TBCK: variants seen among roughly 807,000 people sequenced by gnomAD.
The protein encoded by TBCK is TBC domain-containing protein kinase-like protein.
A neutral mutation model predicts 113.4 loss-of-function variants in TBCK; 99 were observed. The ratio of observed to expected loss-of-function variants is 0.87; its 90% CI spans 0.74 to 1.03. TBCK has a LOEUF of 1.03. TBCK is among the 50% of genes least tolerant of loss of function. TBCK has a pLI of 0.00. For missense variants in TBCK, 1,045 were observed against 1,061.3 expected (o/e 0.98, Z 0.21); for synonymous variants, 369 against 370.8 (o/e 1.00, Z 0.05).
chr4:106,236,986 G>A (rs1017512689), intron 12 of TBCK, among the ~76,000 whole-genome samples, 178 bp from the exon 13 acceptor site: 1 of 151,898 alleles, frequency 6.6e-6, no homozygotes, highest in Non-Finnish European at 1.5e-5. Context: ...TGCCTCTACT[G>A]ATTACGGTTT....
chr4:106,252,052 A>C (rs767484516), intron 5 of TBCK, 45 bp from the exon 6 acceptor site: 1 of 1,484,268 alleles, frequency 6.7e-7, no homozygotes, highest in South Asian at 1.3e-5. Flanking sequence ...ACAGGGAAAG[A>C]AGCGATAGTA....
upstream of TBCK, chr4:106,316,574 A>G (rs1214239214): frequency 6.4e-7 from 1 of 1,551,476 alleles, no homozygotes; most frequent in African/African-American, 1.4e-5. Flanking sequence ...CTGTCTCGGA[A>G]CCCGTGGTCC....
intron 2 of TBCK, among the ~76,000 whole-genome samples, chr4:106,295,946 G>A (rs2125849985): frequency 6.6e-6 from 1 of 151,870 alleles, no homozygotes; most frequent in East Asian, 1.9e-4. Flanking sequence ...TAAATTCATT[G>A]GGAAAAAAAT....
intron 3 of TBCK, among the ~76,000 whole-genome samples, chr4:106,283,924 G>C (rs1348771499): frequency 6.6e-6 from 1 of 152,150 alleles, no homozygotes; most frequent in Non-Finnish European, 1.5e-5. Flanking sequence ...TGTTAGTGAA[G>C]ATTTAAACTA....
intron 1 of TBCK, among the ~76,000 whole-genome samples, chr4:106,311,105 T>C (rs574779841): frequency 1.3e-5 from 2 of 151,636 alleles, no homozygotes; most frequent in South Asian, 2.1e-4. Flanking sequence ...TGTGGAAAAA[T>C]AGGATCTCTA....
At chr4:106,254,747 T>C (rs867027884) in intron 5 of TBCK, among the ~76,000 whole-genome samples, 14 of 152,144 alleles carry the variant, frequency 9.2e-5, no homozygotes, top group South Asian at 2.1e-4. Context: ...GAAACCTCTT[T>C]CTCCCCAAGT....
intron 25 of TBCK, among the ~76,000 whole-genome samples, chr4:106,059,589 T>C (rs943513025): frequency 6.6e-6 from 1 of 151,718 alleles, no homozygotes; most frequent in Non-Finnish European, 1.5e-5. Flanking sequence ...TGAATAGCCA[T>C]TTCTGTTTCT....
chr4:106,169,100 G>C (rs1044011273), intron 23 of TBCK, among the ~76,000 whole-genome samples: 1 of 152,056 alleles, frequency 6.6e-6, no homozygotes, highest in African/African-American at 2.4e-5. Context: ...AAGCATCTTT[G>C]AAAAGAGACA....
intron 20 of TBCK, among the ~76,000 whole-genome samples, chr4:106,197,752 AC>A (rs1285358909): frequency 6.6e-6 from 1 of 151,930 alleles, no homozygotes; most frequent in Admixed American, 6.6e-5. Flanking sequence ...ACTCATGGTC[AC>A]CCCCAAACTG....
chr4:106,220,112 A>T (rs1192816123), intron 19 of TBCK, among the ~76,000 whole-genome samples: 1 of 152,186 alleles, frequency 6.6e-6, no homozygotes, highest in Non-Finnish European at 1.5e-5. Flanking sequence ...TTTTATAGAT[A>T]ACATGGTTTG....
rs529628406 is a variant in TBCK, at chr4:106,136,548, A to G, written c.2236-20170T>C. On this transcript the variant is annotated intron_variant, in intron 23 of 25. Transcript: ENST00000394708. Reference sequence around the variant, plus strand: ...GAAATTGGGAAGGTACTTCGATTCTATTTCTAAGGCACTGGTTCTACCTTT... The same window carrying G: ...GAAATTGGGAAGGTACTTCGATTCTGTTTCTAAGGCACTGGTTCTACCTTT... Among the ~76,000 whole-genome samples, 3 of 141,418 alleles carry G rather than the reference A, an allele frequency of 2.1e-5. 1 individual carries two copies. The South Asian group carries it at 7.3e-4, about 34-fold the overall frequency. 92.8% of individuals were successfully genotyped at this position (141,418 alleles called of 152,430 possible).
chr4:106,051,321 A>G (rs1467029377), intron 25 of TBCK, among the ~76,000 whole-genome samples: 1 of 151,876 alleles, frequency 6.6e-6, no homozygotes, highest in Non-Finnish European at 1.5e-5. Context: ...ACCTGATACG[A>G]GTTTGAAGTT....
chr4:106,074,056 C>T (rs57139070), intron 25 of TBCK, among the ~76,000 whole-genome samples: 1 of 152,304 alleles, frequency 6.6e-6, no homozygotes, highest in East Asian at 1.9e-4. Flanking sequence ...AATCCCCCAA[C>T]CCCCTGCGTT....
intron 2 of TBCK, among the ~76,000 whole-genome samples, chr4:106,295,854 A>AT (rs1194355710): frequency 2.0e-5 from 3 of 151,596 alleles, no homozygotes; most frequent in Admixed American, 1.3e-4. Context: ...TTTTTTTCTT[A>AT]TTTTTTCCTA....
chr4:106,111,085 C>T (rs964955281), intron 24 of TBCK, among the ~76,000 whole-genome samples: 2 of 152,090 alleles, frequency 1.3e-5, no homozygotes, highest in Non-Finnish European at 2.9e-5. Flanking sequence ...CTAACAATGG[C>T]CACTGTTATT....
chr4:106,125,363 T>A (rs1745065661), intron 23 of TBCK, among the ~76,000 whole-genome samples: 1 of 152,124 alleles, frequency 6.6e-6, no homozygotes, highest in Admixed American at 6.5e-5. Flanking sequence ...TATATATTTA[T>A]TAATATACAC....
intron 10 of TBCK, among the ~76,000 whole-genome samples, chr4:106,245,809 C>A (rs1403268197): frequency 2.6e-5 from 4 of 152,100 alleles, no homozygotes; most frequent in Non-Finnish European, 5.9e-5. Flanking sequence ...AGTGGTGAAC[C>A]TATGCTGCAG....
rs755919168 is a variant in TBCK at position 106,171,288 on chromosome 4, A to T, written c.2060-18T>A. 4.4e-6 allele frequency: 7 copies of T among 1,587,964 alleles called. No homozygotes were observed. The highest frequency in any genetic ancestry group is 2.7e-5 in the African/African-American group (2 of 73,814). On this transcript the variant is annotated intron_variant, in intron 22 of 25. Coordinates refer to ENST00000394708, the MANE Select transcript of TBCK (RefSeq NM_001163435.3). ...GTCAATTTCTAGATAGAAATGTTTT[A>T]AAAAAGCAAATGTATAGAATTTAGA...
chr4:106,074,260 A>G (rs964438162), intron 25 of TBCK, among the ~76,000 whole-genome samples: 3 of 152,206 alleles, frequency 2.0e-5, no homozygotes, highest in Non-Finnish European at 1.5e-5. Flanking sequence ...CCTCCAACAT[A>G]GTACATTTTC....
Sources: allele counts gnomAD v4.1 joint callset (sites outside exome capture counted in the v4.1 genomes callset), GRCh38; gene constraint gnomAD v4.1.1; transcripts MANE v1.5; gene names NCBI Gene and HGNC (gene_info 2026-07-23, HGNC 2026-07-21).